ZNF609: variants seen among roughly 807,000 people sequenced by gnomAD.
ZNF609 encodes zinc finger protein 609.
Under a neutral mutation model 109.5 loss-of-function variants are expected in ZNF609, and 11 were observed. The observed-to-expected ratio is 0.10, with a 90% CI of 0.06 to 0.17. The LOEUF is 0.17. Ranked by LOEUF, ZNF609 falls within the 10% of genes least tolerant of loss-of-function variation. ZNF609 has a pLI of 1.00. For missense variants in ZNF609, 1,559 were observed against 1,772.4 expected (o/e 0.88, Z 2.16); for synonymous variants, 646 against 662.0 (o/e 0.98, Z 0.37).
chr15:64,620,291 G>A (rs1471756561), intron 2 of ZNF609, among the ~76,000 whole-genome samples: 2 of 152,242 alleles, frequency 1.3e-5, no homozygotes, highest in Non-Finnish European at 2.9e-5. Context: ...TTCCCCAAGA[G>A]AAAGAATAGA....
chr15:64,556,949 A>C (rs890895609), intron 2 of ZNF609, among the ~76,000 whole-genome samples: 5 of 152,212 alleles, frequency 3.3e-5, no homozygotes, highest in Non-Finnish European at 7.3e-5. Flanking sequence ...TTAAAGATTA[A>C]AAACCGTAAA....
At chr15:64,518,267 C>T (rs1461485239) in intron 2 of ZNF609, among the ~76,000 whole-genome samples, 5 of 152,092 alleles carry the variant, frequency 3.3e-5, no homozygotes, top group African/African-American at 9.7e-5. Context: ...TAAACAGAGA[C>T]CCAAAGGGAT....
chr15:64,639,445 G>C (rs1254078824), intron 3 of ZNF609, among the ~76,000 whole-genome samples: 1 of 152,188 alleles, frequency 6.6e-6, no homozygotes. Flanking sequence ...TGCAGCTCTA[G>C]GGAAGAATTC....
chr15:64,539,067 G>C (rs549342286), intron 2 of ZNF609, among the ~76,000 whole-genome samples: 219 of 151,220 alleles, frequency 1.4e-3, no homozygotes, highest in African/African-American at 4.9e-3. Context: ...GCAGTGGCGC[G>C]ATCTTGGCTC....
At chr15:64,645,605 A>G (rs1396951711) in intron 3 of ZNF609, among the ~76,000 whole-genome samples, 1 of 152,178 alleles carries the variant, frequency 6.6e-6, no homozygotes, top group Non-Finnish European at 1.5e-5. Flanking sequence ...ATAAAGATAG[A>G]ATGAGAGAAA....
intron 2 of ZNF609, among the ~76,000 whole-genome samples, chr15:64,591,044 G>A (rs1049167815): frequency 2.6e-5 from 4 of 152,196 alleles, no homozygotes; most frequent in Non-Finnish European, 5.9e-5. Flanking sequence ...GTATCGAAAA[G>A]CCTTAAAGGC....
chr15:64,478,994 T>C (rs1004043016), intron 1 of ZNF609, among the ~76,000 whole-genome samples: 10 of 152,194 alleles, frequency 6.6e-5, no homozygotes, highest in African/African-American at 2.4e-4. Flanking sequence ...TAAGAGAACT[T>C]GAACATAGCT....
chr15:64,603,334 G>T (rs895708377), intron 2 of ZNF609, among the ~76,000 whole-genome samples: 2 of 148,132 alleles, frequency 1.4e-5, no homozygotes, highest in African/African-American at 5.0e-5. Flanking sequence ...GCAGTGGCAT[G>T]ATCTTGGCTC....
At chr15:64,465,630 C>T (rs563004771) in intron 1 of ZNF609, among the ~76,000 whole-genome samples, 1 of 152,092 alleles carries the variant, frequency 6.6e-6, no homozygotes, top group South Asian at 2.1e-4. Flanking sequence ...ATCCACCCAC[C>T]TCGGCCTCCC....
intron 2 of ZNF609, chr15:64,501,083 A>G (rs1893554641): frequency 6.5e-6 from 1 of 152,788 alleles, no homozygotes; most frequent in Non-Finnish European, 1.5e-5. Flanking sequence ...TTATTCCTGC[A>G]AAACAGTGGC....
At chr15:64,489,548 T>A (rs1266917845) in intron 1 of ZNF609, among the ~76,000 whole-genome samples, 5 of 80,846 alleles carry the variant, frequency 6.2e-5, no homozygotes, top group Admixed American at 4.3e-4. Flanking sequence ...TTTTTTTTTT[T>A]AGACGGAGTC....
chr15:64,665,652 G>A (rs1436389531), intron 3 of ZNF609, among the ~76,000 whole-genome samples: 2 of 152,166 alleles, frequency 1.3e-5, no homozygotes, highest in Non-Finnish European at 2.9e-5. Context: ...GCGCATGCCT[G>A]TAATCCCAGC....
chr15:64,545,536 G>A (rs1894344113), intron 2 of ZNF609, among the ~76,000 whole-genome samples: 1 of 152,076 alleles, frequency 6.6e-6, no homozygotes, highest in Non-Finnish European at 1.5e-5. Flanking sequence ...GCATATATCT[G>A]TATAATAAAA....
Position 64,576,102 on chromosome 15 carries a change from AAATAAT to A in ZNF609, c.748-46712_748-46707del, listed in dbSNP as rs547815852. On this transcript the variant is annotated intron_variant, in intron 2 of 9. Coordinates refer to ENST00000326648, the MANE Select transcript of ZNF609 (RefSeq NM_015042.2). Reference sequence around the variant, plus strand: ...GGGCGACAGAGCGAGACTCAGTCTCAAATAATAATAATAATAATTACTTGATATACT... The same window carrying A: ...GGGCGACAGAGCGAGACTCAGTCTCAAATAATAATAATTACTTGATATACT... Among the ~76,000 whole-genome samples, 554 of 152,114 alleles carry A rather than the reference AAATAAT, an allele frequency of 3.6e-3. 2 individuals carry two copies. The highest frequency in any genetic ancestry group is 0.013 in the African/African-American group (525 of 41,536).
chr15:64,536,592 A>G (rs1240183124), intron 2 of ZNF609, among the ~76,000 whole-genome samples: 1 of 152,066 alleles, frequency 6.6e-6, no homozygotes, highest in Admixed American at 6.6e-5. Flanking sequence ...AAATACTAGA[A>G]CTGGCCGGGC....
At chr15:64,619,502 A>G (rs1483110823) in intron 2 of ZNF609, among the ~76,000 whole-genome samples, 1 of 152,236 alleles carries the variant, frequency 6.6e-6, no homozygotes, top group Non-Finnish European at 1.5e-5. Flanking sequence ...ATTAAATACT[A>G]TTATGCTGCT....
At chr15:64,669,665 T>A (rs1896697851) in intron 3 of ZNF609, among the ~76,000 whole-genome samples, 1 of 151,988 alleles carries the variant, frequency 6.6e-6, no homozygotes, top group Non-Finnish European at 1.5e-5. Context: ...AGCTTTATTT[T>A]TTTATTTTTT....
chr15:64,606,741 A>AG (rs1895608910), intron 2 of ZNF609, among the ~76,000 whole-genome samples: 1 of 151,932 alleles, frequency 6.6e-6, no homozygotes, highest in African/African-American at 2.4e-5. Context: ...AAACGGTTAC[A>AG]TCAGTAATAC....
At chr15:64,575,122 C>G (rs1414261494) in intron 2 of ZNF609, among the ~76,000 whole-genome samples, 1 of 152,122 alleles carries the variant, frequency 6.6e-6, no homozygotes, top group African/African-American at 2.4e-5. Context: ...AAGGAAACAG[C>G]CTCAAAGTGT....
Sources: gnomAD v4.1 joint callset for allele counts (sites outside exome capture counted in the v4.1 genomes callset) on GRCh38, gnomAD v4.1.1 for gene constraint, MANE v1.5 for transcripts, NCBI Gene and HGNC (gene_info 2026-07-23, HGNC 2026-07-21) for gene names.